The following CHST11 variants were observed in gnomAD, a reference collection of about 807,000 sequenced individuals.
The protein encoded by CHST11 is carbohydrate sulfotransferase 11.
In CHST11, 9 loss-of-function variants were observed where a neutral mutation model predicts 30.4. The ratio of observed to expected loss-of-function variants is 0.30; its 90% confidence interval spans 0.18 to 0.52. CHST11 has a LOEUF of 0.52. Ranked by LOEUF, CHST11 falls within the 20% of genes least tolerant of loss-of-function variation. CHST11 has a pLI of 0.97. For missense variants in CHST11, 348 were observed against 460.6 expected (o/e 0.76, Z 2.24); for synonymous variants, 152 against 187.8 (o/e 0.81, Z 1.56).
chr12:104,686,770 C>T (rs2039850267), intron 2 of CHST11, among the ~76,000 whole-genome samples: 1 of 152,178 alleles, frequency 6.6e-6, no homozygotes, highest in Admixed American at 6.5e-5. Context: ...GCCTCAGCCT[C>T]CCAAGTAGCT....
intron 1 of CHST11, among the ~76,000 whole-genome samples, chr12:104,462,181 A>AAAAAG (rs1565950260): frequency 6.7e-6 from 1 of 148,648 alleles, no homozygotes; most frequent in Non-Finnish European, 1.5e-5. Flanking sequence ...AAAAAAAAAA[A>AAAAAG]AAAAGAAAAA....
chr12:104,706,966 G>A (rs76001232), intron 2 of CHST11, among the ~76,000 whole-genome samples: 5,939 of 152,196 alleles, frequency 0.039, 151 homozygotes, highest in Non-Finnish European at 0.054. Flanking sequence ...ACCCTTTGGC[G>A]GCATAGACTG....
chr12:104,716,347 C>G (rs2040131055), intron 2 of CHST11, among the ~76,000 whole-genome samples: 2 of 152,226 alleles, frequency 1.3e-5, no homozygotes, highest in Non-Finnish European at 2.9e-5. Flanking sequence ...CTACCCCCAC[C>G]CAGCTGTGTG....
intron 2 of CHST11, among the ~76,000 whole-genome samples, chr12:104,620,847 T>C (rs1440186921): frequency 1.3e-5 from 2 of 152,160 alleles, no homozygotes; most frequent in African/African-American, 4.8e-5. Flanking sequence ...AACCAGGAGC[T>C]AGGAGAATGA....
intron 1 of CHST11, among the ~76,000 whole-genome samples, chr12:104,534,918 C>T (rs1053159036): frequency 5.9e-5 from 9 of 152,136 alleles, no homozygotes; most frequent in Non-Finnish European, 8.8e-5. Flanking sequence ...TTAGCTATAC[C>T]AACCCCATCT....
At chr12:104,598,730 C>G (rs550750011) in intron 1 of CHST11, among the ~76,000 whole-genome samples, 2 of 152,344 alleles carry the variant, frequency 1.3e-5, no homozygotes, top group South Asian at 4.1e-4. Flanking sequence ...TCTTGACTCT[C>G]CTTCTCATCC....
At chr12:104,601,558 C>G (rs574466846) in intron 1 of CHST11, among the ~76,000 whole-genome samples, 2 of 152,192 alleles carry the variant, frequency 1.3e-5, no homozygotes, top group East Asian at 1.9e-4. Flanking sequence ...TGTTACCAAG[C>G]CTGCTGCTGG....
At chr12:104,704,991 A>C (rs1402231859) in intron 2 of CHST11, among the ~76,000 whole-genome samples, 2 of 152,162 alleles carry the variant, frequency 1.3e-5, no homozygotes, top group Non-Finnish European at 2.9e-5. Context: ...TAGTGTGTTG[A>C]GAAACAAAAA....
At chr12:104,598,022 G>A (rs1397186955) in intron 1 of CHST11, among the ~76,000 whole-genome samples, 1 of 152,272 alleles carries the variant, frequency 6.6e-6, no homozygotes, top group Non-Finnish European at 1.5e-5. Flanking sequence ...AGTAGTACCC[G>A]CACCATGGGA....
rs563698196 is a variant in CHST11 at position 104,704,124 on chromosome 12, C to T, written c.205-52825C>T. On this transcript the variant is annotated intron_variant, in intron 2 of 2. Transcript: ENST00000303694. ...AGACGAGCCTGGGAAGCAATGCACA[C>T]ACTGCTTAGTTCAGGCCATGGGAAC... 9.4e-4 allele frequency among the ~76,000 whole-genome samples: 143 copies of T among 152,258 alleles called. 1 individual carries two copies. Among genetic ancestry groups the T allele is most frequent in the Non-Finnish European group, 1.8e-3 (120 of 68,012 alleles).
chr12:104,470,982 A>G (rs2037503370), intron 1 of CHST11, among the ~76,000 whole-genome samples: 1 of 152,208 alleles, frequency 6.6e-6, no homozygotes, highest in South Asian at 2.1e-4. Flanking sequence ...CCTACACGCT[A>G]TCCCTGGTGA....
chr12:104,748,086 C>T (rs949893649), intron 2 of CHST11, among the ~76,000 whole-genome samples: 21 of 152,196 alleles, frequency 1.4e-4, no homozygotes, highest in Admixed American at 3.3e-4. Context: ...TTCACGGTTT[C>T]CTAGAATCAG....
At chr12:104,573,219 C>A (rs1013908110) in intron 1 of CHST11, among the ~76,000 whole-genome samples, 1 of 152,098 alleles carries the variant, frequency 6.6e-6, no homozygotes, top group Non-Finnish European at 1.5e-5. Flanking sequence ...AGGATACAAA[C>A]AAATGGAAGA....
At chr12:104,738,744 G>A (rs1225908002) in intron 2 of CHST11, among the ~76,000 whole-genome samples, 2 of 152,246 alleles carry the variant, frequency 1.3e-5, no homozygotes, top group Non-Finnish European at 2.9e-5. Context: ...CTGGGAATCT[G>A]ACACTAGTGT....
chr12:104,731,601 C>T (rs1221953496), intron 2 of CHST11, among the ~76,000 whole-genome samples: 1 of 152,190 alleles, frequency 6.6e-6, no homozygotes, highest in Non-Finnish European at 1.5e-5. Flanking sequence ...GGGTGTAAAC[C>T]CCCGCACCCC....
chr12:104,622,165 C>T (rs950552513), intron 2 of CHST11, among the ~76,000 whole-genome samples: 1 of 152,178 alleles, frequency 6.6e-6, no homozygotes, highest in Non-Finnish European at 1.5e-5. Context: ...GACAACCACA[C>T]ATTCAACCTG....
At chr12:104,711,597 C>A (rs2040088658) in intron 2 of CHST11, among the ~76,000 whole-genome samples, 1 of 152,050 alleles carries the variant, frequency 6.6e-6, no homozygotes, top group South Asian at 2.1e-4. Context: ...GAGGTTTATT[C>A]TCTTCTCAGC....
At chr12:104,581,398 C>A (rs1315425866) in intron 1 of CHST11, among the ~76,000 whole-genome samples, 1 of 152,152 alleles carries the variant, frequency 6.6e-6, no homozygotes, top group African/African-American at 2.4e-5. Context: ...AACTGTTTAA[C>A]AAAGTTTTAT....
chr12:104,681,808 T>A (rs1406558895), intron 2 of CHST11, among the ~76,000 whole-genome samples: 10 of 151,022 alleles, frequency 6.6e-5, no homozygotes, highest in Non-Finnish European at 1.3e-4. Context: ...ACCTCTTTTT[T>A]CTTTTTGTCT....
Sources: allele counts gnomAD v4.1 joint callset (sites outside exome capture counted in the v4.1 genomes callset), GRCh38; gene constraint gnomAD v4.1.1; transcripts MANE v1.5; gene names NCBI Gene and HGNC (gene_info 2026-07-23, HGNC 2026-07-21).